DNAJC18: variants seen among roughly 807,000 people sequenced by gnomAD.
DNAJC18 encodes DnaJ heat shock protein family (Hsp40) member C18.
Under a neutral mutation model 48.6 loss-of-function variants are expected in DNAJC18, and 40 were observed. The ratio of observed to expected loss-of-function variants is 0.82; its 90% CI spans 0.64 to 1.07. DNAJC18 has a LOEUF of 1.07. Among genes scored for constraint, DNAJC18 ranks in the 50% least tolerant of loss-of-function variants. DNAJC18 has a pLI of 0.00. For missense variants in DNAJC18, 340 were observed against 427.7 expected, an observed-to-expected ratio of 0.79 and a Z score of 1.81; for synonymous variants, 135 against 152.2, an observed-to-expected ratio of 0.89 and a Z score of 0.83.
Position 139,430,836 on chromosome 5 carries a change from G to A in DNAJC18, c.228-2153C>T, listed in dbSNP as rs540131404. Among the ~76,000 whole-genome samples the A allele has an allele frequency of 1.6e-4, 25 of 152,184 alleles. No individual in the cohort carries two copies. In the South Asian group the frequency reaches 5.2e-3, roughly 32 times the overall value. ...TCCACCTGCCTTGGCCTCCTAAAGT[G>A]CTGGGATTACAGGCATGAGCCACCA... On this transcript the variant is annotated intron_variant, in intron 2 of 7. Coordinates refer to ENST00000302060, the MANE Select transcript of DNAJC18 (RefSeq NM_152686.4).
chr5:139,424,957 C>T (rs764464202), intron 5 of DNAJC18, 48 bp downstream of exon 5: 4 of 1,523,514 alleles, frequency 2.6e-6, no homozygotes, highest in Non-Finnish European at 3.6e-6. Flanking sequence ...TCAAGGTTGG[C>T]CAAGTACAAC....
rs533063332 is a variant in DNAJC18 at position 139,413,124 on chromosome 5, A to C, written c.*1024T>G. The C allele has an allele frequency of 3.9e-5, 15 of 387,194 alleles. No homozygotes were observed. The highest frequency in any genetic ancestry group is 5.9e-5 in the Non-Finnish European group (13 of 219,280). The allele number at this position is 387,194 out of a possible 1,614,324, so 24.0% of individuals were successfully genotyped here. A position where few individuals can be genotyped will look rare whatever the true frequency, so the allele number is the denominator to read the frequency against. Reference sequence around the variant, plus strand: ...GTGTGAGAGCCCCTGCTTTTATAGTAGGCACTCAATAAATGTTGAATGAAT... The same window carrying C: ...GTGTGAGAGCCCCTGCTTTTATAGTCGGCACTCAATAAATGTTGAATGAAT... On this transcript the variant is annotated 3_prime_UTR_variant, in exon 8 of 8. Transcript: ENST00000302060.
chr5:139,428,466 G>A, intron 3 of DNAJC18, 72 bp downstream of exon 3: 2 of 1,547,976 alleles, frequency 1.3e-6, no homozygotes, highest in South Asian at 1.3e-5. Context: ...AACAACTATG[G>A]GGAAGGCTAA....
chr5:139,419,274 G>A (rs543698223), intron 7 of DNAJC18: 2 of 383,048 alleles, frequency 5.2e-6, no homozygotes, highest in East Asian at 1.5e-4. Context: ...GACCAAAGGT[G>A]AAGCTGTTGG....
At chr5:139,438,010 G>T (rs1449866903) in intron 1 of DNAJC18, among the ~76,000 whole-genome samples, 1 of 152,178 alleles carries the variant, frequency 6.6e-6, no homozygotes, top group African/African-American at 2.4e-5. Flanking sequence ...ATACAAATTC[G>T]TAAACTTTCT....
intron 7 of DNAJC18, among the ~76,000 whole-genome samples, chr5:139,417,018 G>A (rs554942923): frequency 2.0e-5 from 3 of 152,008 alleles, no homozygotes; most frequent in African/African-American, 7.2e-5. Flanking sequence ...TTGAAACCCC[G>A]TCTCTACTAA....
intron 2 of DNAJC18, among the ~76,000 whole-genome samples, chr5:139,429,735 G>A (rs1759300249): frequency 6.6e-6 from 1 of 152,082 alleles, no homozygotes. Context: ...GGCCAGCCTG[G>A]GCAGGATGGT....
At position 139,426,207 on chromosome 5, in the gene DNAJC18, A is replaced by T; in HGVS notation, c.524T>A (p.Leu175Gln). The change falls in exon 4 of 8, where the codon CTG becomes CAG. Residue 175 changes from leucine (L) to glutamine (Q), a missense_variant. Coordinates refer to ENST00000302060, the MANE Select transcript of DNAJC18 (RefSeq NM_152686.4). The part of the protein sequence containing the change: ...DFEADITPEE[L>Q]FNVFFGGHFP... ...ATGTCCTCCAAAGAAGACGTTGAAC[A>T]GCTCTTCTGGAGTGATGTCAGCTTC... 6.2e-7 allele frequency: 1 copy of T among 1,614,226 alleles called. No homozygotes were observed. Among genetic ancestry groups the T allele is most frequent in the Non-Finnish European group, 8.5e-7 (1 of 1,180,038 alleles).
intron 5 of DNAJC18, 93 bp downstream of exon 5, chr5:139,424,912 C>T (rs1759211533): frequency 2.9e-6 from 3 of 1,052,264 alleles, no homozygotes; most frequent in African/African-American, 3.2e-5. Flanking sequence ...AGCAACATAT[C>T]TCAGGTTCAA....
In DNAJC18 at chr5:139,413,038, C is replaced by G. The variant is rs1382321664; in HGVS notation, c.*1110G>C. 5.0e-6 allele frequency: 2 copies of G among 397,572 alleles called. No individual in the cohort carries two copies. The highest frequency in any genetic ancestry group is 8.9e-6 in the Non-Finnish European group (2 of 225,958). The allele number at this position is 397,572 out of a possible 1,614,324, so 24.6% of individuals were successfully genotyped here. On this transcript the variant is annotated 3_prime_UTR_variant, in exon 8 of 8. Transcript: ENST00000302060. ...TCCTCTCTGGGCCAATGTTCTCATT[C>G]ATAGAACCAGGGATAATACATCTAC...
At position 139,427,181 on chromosome 5, in the gene DNAJC18, T is replaced by C. The variant is rs575671979; in HGVS notation, c.374-824A>G. On this transcript the variant is annotated intron_variant, in intron 3 of 7. Transcript: ENST00000302060. ...TTGACTAAAAACAAAGTCTTCATCATAGTCTTATTTCAGTTTACTTTAGAC... is the reference window on the plus strand; with the variant it reads ...TTGACTAAAAACAAAGTCTTCATCACAGTCTTATTTCAGTTTACTTTAGAC... Among the ~76,000 whole-genome samples the C allele has an allele frequency of 1.1e-3, 160 of 152,326 alleles. 1 individual carries two copies. Among genetic ancestry groups the C allele is most frequent in the African/African-American group, 3.7e-3 (152 of 41,574 alleles).
Position 139,428,701 on chromosome 5 carries a change from C to G in DNAJC18, c.228-18G>C. Reference sequence around the variant, plus strand: ...TCTTGATCCTAAAAAAAATCACAAGCATGTATGTCTATAAAGGTCCCTTTT... The same window carrying G: ...TCTTGATCCTAAAAAAAATCACAAGGATGTATGTCTATAAAGGTCCCTTTT... On this transcript the variant is annotated intron_variant, in intron 2 of 7. Coordinates refer to ENST00000302060, the MANE Select transcript of DNAJC18 (RefSeq NM_152686.4). The G allele has an allele frequency of 6.2e-7, 1 of 1,606,098 alleles. No homozygotes were observed. Among genetic ancestry groups the G allele is most frequent in the Non-Finnish European group, 8.5e-7 (1 of 1,177,434 alleles).
At chr5:139,424,684 T>C (rs576177202) in intron 5 of DNAJC18, among the ~76,000 whole-genome samples, 23 of 130,166 alleles carry the variant, frequency 1.8e-4, no homozygotes, top group African/African-American at 6.9e-4. Context: ...TCTACTATTG[T>C]ACTCCGGCCT....
Position 139,420,222 on chromosome 5 carries a change from G to C in DNAJC18, c.783C>G (p.Thr261=). Residue 261 remains threonine, a synonymous_variant, in exon 7 of 8, where the codon ACC becomes ACG. Coordinates refer to ENST00000302060, the MANE Select transcript of DNAJC18 (RefSeq NM_152686.4). ...NPPYSLFYKS[T]LGYTISRETQ... ...TTTCTCTAGAAATGGTGTAGCCCAA[G>C]GTCCTGAAACAAGGAGAGAGAGGCT... 1 of 1,606,064 alleles carries C rather than the reference G, an allele frequency of 6.2e-7. No homozygotes were observed.
At chr5:139,418,860 G>C (rs1759107544) in intron 7 of DNAJC18, 1 of 456,310 alleles carries the variant, frequency 2.2e-6, no homozygotes. Context: ...GTAAGACCAA[G>C]TTCTTATTCC....
chr5:139,439,314 C>T lies in DNAJC18; in HGVS notation c.40+92G>A. 1 of 1,592,988 alleles carries T rather than the reference C, an allele frequency of 6.3e-7. No homozygotes were observed. Among genetic ancestry groups the T allele is most frequent in the Non-Finnish European group, 8.6e-7 (1 of 1,163,388 alleles). Reference sequence around the variant, plus strand: ...CAGGCCTCTATCCATCACCTCAGACCCAGGATCTCAGCCCTTGTGCGTCTT... The same window carrying T: ...CAGGCCTCTATCCATCACCTCAGACTCAGGATCTCAGCCCTTGTGCGTCTT... On this transcript the variant is annotated intron_variant, in intron 1 of 7. Transcript: ENST00000302060. The surrounding 1 kb of genome is among the most constrained non-coding windows in gnomAD (Gnocchi z 4.1).
chr5:139,420,199 T>A lies in DNAJC18; in HGVS notation c.806A>T (p.Glu269Val). The A allele has an allele frequency of 6.2e-7, 1 of 1,610,806 alleles. No individual in the cohort carries two copies. The highest frequency in any genetic ancestry group is 8.5e-7 in the Non-Finnish European group (1 of 1,179,158). Residue 269 changes from glutamate (E) to valine (V), a missense_variant, in exon 7 of 8, where the codon GAA becomes GTA. Glu to Val is a moderately radical substitution (Grantham distance 121). Coordinates refer to ENST00000302060, the MANE Select transcript of DNAJC18 (RefSeq NM_152686.4). ...KSTLGYTISRETQNLQVPYFV... is the reference protein window; with the variant it reads ...KSTLGYTISRVTQNLQVPYFV... ...GTAAGGCACCTGCAGGTTCTGAGTT[T>A]CTCTAGAAATGGTGTAGCCCAAGGT...
Position 139,414,054 on chromosome 5 carries a change from T to A in DNAJC18, c.*94A>T. On this transcript the variant is annotated 3_prime_UTR_variant, in exon 8 of 8. Transcript: ENST00000302060. ...ACGAAGTTAGCAAATAGTAAAGTGT[T>A]CATCATTACCTAGTTTTGTATTATA... 6.6e-7 allele frequency: 1 copy of A among 1,513,262 alleles called. No homozygotes were observed. Among genetic ancestry groups the A allele is most frequent in the South Asian group, 1.3e-5 (1 of 75,230 alleles). 93.7% of individuals were successfully genotyped at this position (1,513,262 alleles called of 1,614,324 possible). A position where few individuals can be genotyped will look rare whatever the true frequency, so the allele number is the denominator to read the frequency against.
chr5:139,435,705 G>GTTTTTTTTGTTTTTTTTTTTTTTTTTTTT (rs1750628400), intron 2 of DNAJC18, among the ~76,000 whole-genome samples: 3 of 41,194 alleles, frequency 7.3e-5, no homozygotes, highest in Non-Finnish European at 1.1e-4. Context: ...TTCATTGGAA[G>GTTTTTTTTGTTTTTTTTTTTTTTTTTTTT]TTTTTTTTTT....
Sources: allele counts gnomAD v4.1 joint callset (sites outside exome capture counted in the v4.1 genomes callset), GRCh38; gene constraint gnomAD v4.1.1; non-coding constraint Gnocchi (gnomAD v3.1); transcripts MANE v1.5; gene names NCBI Gene and HGNC (gene_info 2026-07-23, HGNC 2026-07-21).